The following ZNF143 variants were observed in gnomAD, a reference collection of about 807,000 sequenced individuals.
ZNF143 encodes zinc finger protein 143, also known as SPH-binding factor.
A neutral mutation model predicts 74.1 loss-of-function variants in ZNF143; 49 were observed. The observed-to-expected ratio is 0.66, with a 90% CI of 0.53 to 0.84. ZNF143 has a LOEUF of 0.84. ZNF143 is among the 40% of genes least tolerant of loss of function. The pLI, the probability that ZNF143 is intolerant of heterozygous loss-of-function variation, is 0.00. For missense variants in ZNF143, 637 were observed against 793.4 expected, an observed-to-expected ratio of 0.80 and a Z score of 2.37; for synonymous variants, 304 against 282.8, an observed-to-expected ratio of 1.07 and a Z score of -0.75.
chr11:9,478,566 T>C lies in ZNF143; in HGVS notation c.550T>C (p.Leu184=). The C allele has an allele frequency of 8.1e-6, 13 of 1,614,120 alleles. No individual in the cohort carries two copies. Among genetic ancestry groups the C allele is most frequent in the Non-Finnish European group, 1.1e-5 (13 of 1,179,966 alleles). Residue 184 remains leucine, a synonymous_variant, in exon 6 of 16, where the codon TTG becomes CTG. Coordinates refer to ENST00000396602, the MANE Select transcript of ZNF143 (RefSeq NM_003442.6). ...AATTGACCCTGACACCATCAGTGCTTTGGAACAGTATGCAGCAAAGGTATA... is the reference window on the plus strand; with the variant it reads ...AATTGACCCTGACACCATCAGTGCTCTGGAACAGTATGCAGCAAAGGTATA... ...ATIDPDTISA[L]EQYAAKVSID...
At chr11:9,521,206 A>G (rs1848913788) in intron 14 of ZNF143, among the ~76,000 whole-genome samples, 1 of 152,200 alleles carries the variant, frequency 6.6e-6, no homozygotes, top group African/African-American at 2.4e-5. Context: ...TGTACATTCT[A>G]TGGGTTTGGA....
intron 10 of ZNF143, among the ~76,000 whole-genome samples, chr11:9,499,524 T>C (rs753059759): frequency 2.0e-5 from 3 of 152,200 alleles, no homozygotes; most frequent in Non-Finnish European, 2.9e-5. Context: ...AGAGAAATCA[T>C]AATTTCATTT....
At position 9,508,517 on chromosome 11, in the gene ZNF143, A is replaced by G. The variant is rs1239840000; in HGVS notation, c.1148-102A>G. 7.7e-6 allele frequency: 8 copies of G among 1,035,278 alleles called. No individual in the cohort carries two copies. In the African/African-American group the frequency reaches 1.3e-4, roughly 17 times the overall value. The allele number at this position is 1,035,278 out of a possible 1,614,324, so 64.1% of individuals were successfully genotyped here. A position where few individuals can be genotyped will look rare whatever the true frequency, so the allele number is the denominator to read the frequency against. ...ATGGTGGGATGAGGAGGGGTTTGGC[A>G]ATTCTTTATTTTTAGAGGTATTTTA... On this transcript the variant is annotated intron_variant, in intron 11 of 15. Transcript: ENST00000396602.
chr11:9,466,993 A>G (rs1856270816), intron 1 of ZNF143, among the ~76,000 whole-genome samples: 1 of 151,570 alleles, frequency 6.6e-6, no homozygotes, highest in Non-Finnish European at 1.5e-5. Flanking sequence ...TCCCGGGTTC[A>G]CGCCATTCTC....
chr11:9,472,414 C>T (rs993620990), intron 2 of ZNF143, among the ~76,000 whole-genome samples: 1 of 152,036 alleles, frequency 6.6e-6, no homozygotes, highest in East Asian at 1.9e-4. Context: ...CCACCGCGCC[C>T]GACTAATTTT....
intron 5 of ZNF143, among the ~76,000 whole-genome samples, chr11:9,477,865 G>A (rs1024370862): frequency 1.1e-4 from 16 of 151,766 alleles, no homozygotes; most frequent in African/African-American, 3.9e-4. Context: ...TGGCTCTGTC[G>A]CCCAGGCTGG....
chr11:9,523,242 G>T (rs1849001750), intron 14 of ZNF143, among the ~76,000 whole-genome samples: 1 of 152,024 alleles, frequency 6.6e-6, no homozygotes, highest in Non-Finnish European at 1.5e-5. Context: ...TTTCAGTGTT[G>T]CTATAAGGTC....
chr11:9,474,146 G>A lies in ZNF143; in HGVS notation c.289+122G>A, dbSNP rs569264638. On this transcript the variant is annotated intron_variant, in intron 4 of 15. Coordinates refer to ENST00000396602, the MANE Select transcript of ZNF143 (RefSeq NM_003442.6). The stretch of plus-strand genomic sequence containing the variant: ...GTTCTCAAGTCCTCCTTCTGTAAAG[G>A]GAGATTATAGATGCCACAGAGTGGA... The A allele has an allele frequency of 6.3e-5, 49 of 776,354 alleles. No individual in the cohort carries two copies. The African/African-American group carries it at 8.3e-4, about 13-fold the overall frequency. The allele number at this position is 776,354 out of a possible 1,614,324, so 48.1% of individuals were successfully genotyped here.
chr11:9,467,268 C>T (rs1420519584), intron 1 of ZNF143, among the ~76,000 whole-genome samples: 4 of 142,866 alleles, frequency 2.8e-5, no homozygotes, highest in Non-Finnish European at 6.0e-5. Flanking sequence ...TAGAGTTTTA[C>T]TCTGTAGCTC....
At chr11:9,504,076 C>T (rs1302649725) in intron 11 of ZNF143, among the ~76,000 whole-genome samples, 2 of 147,858 alleles carry the variant, frequency 1.4e-5, no homozygotes, top group African/African-American at 2.5e-5. Flanking sequence ...TCTTCTGCCT[C>T]AGCCCCCACA....
At chr11:9,507,415 AT>A (rs1180704411) in intron 11 of ZNF143, among the ~76,000 whole-genome samples, 1 of 151,984 alleles carries the variant, frequency 6.6e-6, no homozygotes, top group East Asian at 1.9e-4. Context: ...ATATTTACTC[AT>A]TTGCTCAGTC....
At chr11:9,486,402 T>TATTA (rs1259574052) in intron 7 of ZNF143, among the ~76,000 whole-genome samples, 1 of 26,536 alleles carries the variant, frequency 3.8e-5, no homozygotes, top group African/African-American at 1.6e-4. Context: ...ATATAATATA[T>TATTA]TATATATATA....
At chr11:9,489,921 C>G (rs1384670863) in intron 7 of ZNF143, among the ~76,000 whole-genome samples, 2 of 152,178 alleles carry the variant, frequency 1.3e-5, no homozygotes, top group African/African-American at 4.8e-5. Context: ...TGGCTCACAC[C>G]TGTAATCCAA....
chr11:9,514,732 A>G (rs1471903528), intron 13 of ZNF143, among the ~76,000 whole-genome samples: 1 of 152,224 alleles, frequency 6.6e-6, no homozygotes, highest in Non-Finnish European at 1.5e-5. Context: ...GGGACTGCAA[A>G]TGACTAGTTG....
At chr11:9,486,366 T>TAA (rs1847487019) in intron 7 of ZNF143, among the ~76,000 whole-genome samples, 2 of 47,588 alleles carry the variant, frequency 4.2e-5, no homozygotes, top group Admixed American at 6.8e-4. Flanking sequence ...ATATATATTA[T>TAA]ATATAATATA....
intron 13 of ZNF143, among the ~76,000 whole-genome samples, chr11:9,515,879 A>G (rs1299506340): frequency 1.3e-4 from 19 of 151,186 alleles, no homozygotes; most frequent in Admixed American, 1.3e-3. Flanking sequence ...GAGCTACTTA[A>G]GAGGATGAGG....
intron 7 of ZNF143, among the ~76,000 whole-genome samples, chr11:9,492,738 A>G (rs1459077080): frequency 3.9e-5 from 6 of 152,210 alleles, no homozygotes; most frequent in Non-Finnish European, 8.8e-5. Flanking sequence ...TGACATTTTC[A>G]GGGTGAACCT....
Position 9,474,533 on chromosome 11 carries a change from T to C in ZNF143, c.290-17T>C, listed in dbSNP as rs762744172. ...TGCTAGAAAACATGAGATCTAAATG[T>C]AAGCATTGTTCTTGAGCAGGGGACA... On this transcript the variant is annotated splice_polypyrimidine_tract_variant and intron_variant, in intron 4 of 15. Transcript: ENST00000396602. 3.1e-6 allele frequency: 5 copies of C among 1,613,770 alleles called. No homozygotes were observed. The highest frequency in any genetic ancestry group is 3.3e-5 in the Admixed American group (2 of 59,978).
intron 7 of ZNF143, among the ~76,000 whole-genome samples, chr11:9,493,991 C>G (rs1228271632): frequency 2.6e-5 from 4 of 152,030 alleles, no homozygotes; most frequent in Non-Finnish European, 5.9e-5. Flanking sequence ...TTTTGGGACA[C>G]AGGTTCTAAA....
Sources: gnomAD v4.1 joint callset for allele counts (sites outside exome capture counted in the v4.1 genomes callset) on GRCh38, gnomAD v4.1.1 for gene constraint, MANE v1.5 for transcripts, NCBI Gene and HGNC (gene_info 2026-07-23, HGNC 2026-07-21) for gene names.